Variants in GPR12 observed in about 807,000 individuals in gnomAD.
GPR12 encodes G-protein coupled receptor 12.
Under a neutral mutation model 18.9 loss-of-function variants are expected in GPR12, and 7 were observed. That is an observed-to-expected ratio of 0.37 (90% CI 0.21 to 0.70). The LOEUF is 0.70. Among genes scored for constraint, GPR12 ranks in the 30% least tolerant of loss-of-function variants. The pLI is 0.54. For synonymous variants in GPR12, 201 were observed against 188.6 expected (o/e 1.07, Z -0.54); for missense variants, 327 against 427.7 (o/e 0.76, Z 2.08).
chr13:26,760,636 C>T lies in GPR12; in HGVS notation c.-73G>A, dbSNP rs1193920248. The T allele has an allele frequency of 2.0e-5, 3 of 150,994 alleles. No homozygotes were observed. Among genetic ancestry groups the T allele is most frequent in the Non-Finnish European group, 3.0e-5 (2 of 67,668 alleles). 9.4% of individuals were successfully genotyped at this position (150,994 alleles called of 1,614,324 possible). On this transcript the variant is annotated 5_prime_UTR_variant, in exon 1 of 2. Coordinates refer to ENST00000405846, the MANE Select transcript of GPR12 (RefSeq NM_005288.4). ...GTGCTTCCGAAGCGCGTGGGCTACTCGTGTCGCATGTCGGCGCAGTTGCCC... is the reference window on the plus strand; with the variant it reads ...GTGCTTCCGAAGCGCGTGGGCTACTTGTGTCGCATGTCGGCGCAGTTGCCC...
At position 26,755,244 on chromosome 13, in the gene GPR12, G is replaced by A. The variant is rs1483084968; in HGVS notation, c.*3579C>T. On this transcript the variant is annotated 3_prime_UTR_variant, in exon 2 of 2. Coordinates refer to ENST00000405846, the MANE Select transcript of GPR12 (RefSeq NM_005288.4). ...GCAGTCTTTTCCTTTATTATACCAG[G>A]CATACAATCAATATAGAAACTTAAA... The A allele has an allele frequency of 6.6e-6, 1 of 152,018 alleles. No homozygotes were observed. The highest frequency in any genetic ancestry group is 1.5e-5 in the Non-Finnish European group (1 of 68,016). The allele number at this position is 152,018 out of a possible 1,614,324, so 9.4% of individuals were successfully genotyped here.
In GPR12 at chr13:26,755,868, T is replaced by C. The variant is rs1884364523; in HGVS notation, c.*2955A>G. 2 of 152,196 alleles carry C rather than the reference T, an allele frequency of 1.3e-5. No homozygotes were observed. Among genetic ancestry groups the C allele is most frequent in the Admixed American group, 6.5e-5 (1 of 15,288 alleles). 9.4% of individuals were successfully genotyped at this position (152,196 alleles called of 1,614,324 possible). The stretch of plus-strand genomic sequence containing the variant: ...TTATGTGGAGTAAAAGATTATCTGC[T>C]ACCTCAGGACTGTTGGAAATAAGAC... On this transcript the variant is annotated 3_prime_UTR_variant, in exon 2 of 2. Transcript: ENST00000405846.
At position 26,758,110 on chromosome 13, in the gene GPR12, G is replaced by C. The variant is rs1294485806; in HGVS notation, c.*713C>G. ...ACCCGTTGGAATCTAGATTGACATG[G>C]CAACATTTGAAACAAGTGGTCTAGC... On this transcript the variant is annotated 3_prime_UTR_variant, in exon 2 of 2. Transcript: ENST00000405846. 1 of 152,136 alleles carries C rather than the reference G, an allele frequency of 6.6e-6. No individual in the cohort carries two copies. Among genetic ancestry groups the C allele is most frequent in the African/African-American group, 2.4e-5 (1 of 41,416 alleles). The allele number at this position is 152,136 out of a possible 1,614,324, so 9.4% of individuals were successfully genotyped here.
At position 26,755,414 on chromosome 13, in the gene GPR12, T is replaced by C. The variant is rs535050812; in HGVS notation, c.*3409A>G. The C allele has an allele frequency of 6.6e-6, 1 of 152,134 alleles. No individual in the cohort carries two copies. The highest frequency in any genetic ancestry group is 6.5e-5 in the Admixed American group (1 of 15,268). 9.4% of individuals were successfully genotyped at this position (152,134 alleles called of 1,614,324 possible). A position where few individuals can be genotyped will look rare whatever the true frequency, so the allele number is the denominator to read the frequency against. The stretch of plus-strand genomic sequence containing the variant: ...TTAATAATGGATTAAGCATTTTTTT[T>C]AAAAAGCCGAAGAAGTCTCCATGAT... On this transcript the variant is annotated 3_prime_UTR_variant, in exon 2 of 2. Coordinates refer to ENST00000405846, the MANE Select transcript of GPR12 (RefSeq NM_005288.4).
In GPR12 at chr13:26,756,831, G is replaced by A. The variant is rs1884384430; in HGVS notation, c.*1992C>T. On this transcript the variant is annotated 3_prime_UTR_variant, in exon 2 of 2. Transcript: ENST00000405846. ...TTCTGACTATTGGAGATATGCAAAT[G>A]GAGCCACTATTTTTATAAAATCATC... The A allele has an allele frequency of 6.6e-6, 1 of 152,088 alleles. No individual in the cohort carries two copies. Among genetic ancestry groups the A allele is most frequent in the Non-Finnish European group, 1.5e-5 (1 of 68,014 alleles). The allele number at this position is 152,088 out of a possible 1,614,324, so 9.4% of individuals were successfully genotyped here.
rs1410626956 is a variant in GPR12, at chr13:26,759,746, C to T, written c.82G>A (p.Ala28Thr). 1 of 1,613,034 alleles carries T rather than the reference C, an allele frequency of 6.2e-7. No individual in the cohort carries two copies. The highest frequency in any genetic ancestry group is 8.5e-7 in the Non-Finnish European group (1 of 1,179,126). ...ACGGCAGGAACCCGGGAGGAGACAGCAGCCGAGATGTTCTCCGCAGCAGCG... is the reference window on the plus strand; with the variant it reads ...ACGGCAGGAACCCGGGAGGAGACAGTAGCCGAGATGTTCTCCGCAGCAGCG... ...DAAAAENISAAVSSRVPAVEP... is the reference protein window; with the variant it reads ...DAAAAENISATVSSRVPAVEP... The change falls in exon 2 of 2, where the codon GCT becomes ACT. Residue 28 changes from alanine (A) to threonine (T), a missense_variant. By Grantham distance (58) the Ala-to-Thr change is moderately conservative (BLOSUM62 0). Transcript: ENST00000405846.
At chr13:26,760,552 G>A (rs1404888789) in intron 1 of GPR12, 27 bp downstream of exon 1, 1 of 151,728 alleles carries the variant, frequency 6.6e-6, no homozygotes, top group East Asian at 2.0e-4. Flanking sequence ...CGGCCCGCGG[G>A]GGCGGGGGGG....
chr13:26,760,183 C>G (rs1884456107), intron 1 of GPR12: 1 of 201,870 alleles, frequency 5.0e-6, no homozygotes, highest in Non-Finnish European at 1.1e-5. Context: ...ATGCTGAAAA[C>G]GAACAACTGT....
rs930168957 is a variant in GPR12, at chr13:26,756,748, G to T, written c.*2075C>A. 4 of 152,142 alleles carry T rather than the reference G, an allele frequency of 2.6e-5. No individual in the cohort carries two copies. The highest frequency in any genetic ancestry group is 9.7e-5 in the African/African-American group (4 of 41,424). The allele number at this position is 152,142 out of a possible 1,614,324, so 9.4% of individuals were successfully genotyped here. A position where few individuals can be genotyped will look rare whatever the true frequency, so the allele number is the denominator to read the frequency against. ...TAGTTTTGTGATTATAGTAAAACAC[G>T]CAGCATGGGGCCTGGCACACATGTG... is the stretch of plus-strand genomic sequence containing the variant. On this transcript the variant is annotated 3_prime_UTR_variant, in exon 2 of 2. Coordinates refer to ENST00000405846, the MANE Select transcript of GPR12 (RefSeq NM_005288.4).
rs1324360317 is a variant in GPR12 at position 26,756,245 on chromosome 13, T to C, written c.*2578A>G. On this transcript the variant is annotated 3_prime_UTR_variant, in exon 2 of 2. Transcript: ENST00000405846. ...CTCTGTCACCCAGGCTGGAGTGCAG[T>C]GGTGCGATCTTTGTTCACTGCTACC... is the stretch of plus-strand genomic sequence containing the variant. The C allele has an allele frequency of 6.6e-6, 1 of 152,136 alleles. No homozygotes were observed. Among genetic ancestry groups the C allele is most frequent in the East Asian group, 1.9e-4 (1 of 5,198 alleles). The allele number at this position is 152,136 out of a possible 1,614,324, so 9.4% of individuals were successfully genotyped here.
chr13:26,759,136 A>C lies in GPR12; in HGVS notation c.692T>G (p.Ile231Arg). The C allele has an allele frequency of 6.2e-7, 1 of 1,613,760 alleles. No homozygotes were observed. The highest frequency in any genetic ancestry group is 1.1e-5 in the South Asian group (1 of 91,062). Residue 231 changes from isoleucine (I) to arginine (R), a missense_variant, in exon 2 of 2, where the codon ATA becomes AGA. Physicochemically the swap from Ile to Arg is moderately conservative, Grantham distance 97. Transcript: ENST00000405846. ...CKIVMRHAHQIALQHHFLATS... is the reference protein window; with the variant it reads ...CKIVMRHAHQRALQHHFLATS... ...GGCCAGGAAGTGGTGCTGCAGGGCT[A>C]TCTGATGGGCGTGCCTCATCACAAT...
chr13:26,758,552 C>CAA lies in GPR12; in HGVS notation c.*269_*270dup, dbSNP rs1188654914. The CAA allele has an allele frequency of 2.5e-6, 1 of 401,856 alleles. No homozygotes were observed. Among genetic ancestry groups the CAA allele is most frequent in the African/African-American group, 2.0e-5 (1 of 50,784 alleles). 24.9% of individuals were successfully genotyped at this position (401,856 alleles called of 1,614,324 possible). On this transcript the variant is annotated 3_prime_UTR_variant, in exon 2 of 2. Transcript: ENST00000405846. The stretch of plus-strand genomic sequence containing the variant: ...TCCTACCCCCAGTCAGCCCTCCAAA[C>CAA]AAAGTATAAAAGGAAACCCTTGCCC...
Position 26,759,470 on chromosome 13 carries a change from T to C in GPR12, c.358A>G (p.Ile120Val), listed in dbSNP as rs934276305. Residue 120 changes from isoleucine to valine, a missense_variant, in exon 2 of 2, where the codon ATT (isoleucine) becomes GTT (valine). Coordinates refer to ENST00000405846, the MANE Select transcript of GPR12 (RefSeq NM_005288.4). Reference sequence around the variant, plus strand: ...ACAGAGGCAGAGAAAGAGGCGACAATGAGGCCGATCGTGACCAGCTTGGTG... The same window carrying C: ...ACAGAGGCAGAGAAAGAGGCGACAACGAGGCCGATCGTGACCAGCTTGGTG... Reference protein sequence around the residue: ...EATKLVTIGLIVASFSASVCS... With the variant: ...EATKLVTIGLVVASFSASVCS... The C allele has an allele frequency of 6.2e-7, 1 of 1,614,056 alleles. No individual in the cohort carries two copies. The highest frequency in any genetic ancestry group is 8.5e-7 in the Non-Finnish European group (1 of 1,180,006).
rs1051346580 is a variant in GPR12, at chr13:26,755,875, G to C, written c.*2948C>G. On this transcript the variant is annotated 3_prime_UTR_variant, in exon 2 of 2. Transcript: ENST00000405846. ...GAGTAAAAGATTATCTGCTACCTCAGGACTGTTGGAAATAAGACAGTTTTC... is the reference window on the plus strand; with the variant it reads ...GAGTAAAAGATTATCTGCTACCTCACGACTGTTGGAAATAAGACAGTTTTC... 2 of 152,134 alleles carry C rather than the reference G, an allele frequency of 1.3e-5. No homozygotes were observed. The highest frequency in any genetic ancestry group is 2.4e-5 in the African/African-American group (1 of 41,422). The allele number at this position is 152,134 out of a possible 1,614,324, so 9.4% of individuals were successfully genotyped here. A position where few individuals can be genotyped will look rare whatever the true frequency, so the allele number is the denominator to read the frequency against.
rs1229076817 is a variant in GPR12 at position 26,756,433 on chromosome 13, G to T, written c.*2390C>A. 2.0e-5 allele frequency: 3 copies of T among 152,266 alleles called. No individual in the cohort carries two copies. Among genetic ancestry groups the T allele is most frequent in the African/African-American group, 7.2e-5 (3 of 41,452 alleles). 9.4% of individuals were successfully genotyped at this position (152,266 alleles called of 1,614,324 possible). A position where few individuals can be genotyped will look rare whatever the true frequency, so the allele number is the denominator to read the frequency against. Reference sequence around the variant, plus strand: ...ACTCCTGACCTCAGGTGATCCACCTGCCTTGGCCCCCCAAAGTGCTGGGAT... The same window carrying T: ...ACTCCTGACCTCAGGTGATCCACCTTCCTTGGCCCCCCAAAGTGCTGGGAT... On this transcript the variant is annotated 3_prime_UTR_variant, in exon 2 of 2. Transcript: ENST00000405846.
chr13:26,758,339 G>A lies in GPR12; in HGVS notation c.*484C>T, dbSNP rs1330311529. 1.3e-5 allele frequency: 2 copies of A among 154,528 alleles called. No homozygotes were observed. Among genetic ancestry groups the A allele is most frequent in the African/African-American group, 4.8e-5 (2 of 41,350 alleles). The allele number at this position is 154,528 out of a possible 1,614,324, so 9.6% of individuals were successfully genotyped here. A position where few individuals can be genotyped will look rare whatever the true frequency, so the allele number is the denominator to read the frequency against. ...GTAAACTATTTGTATTGGATTGAAA[G>A]GGGTCATATTCTGTTACATACATGC... On this transcript the variant is annotated 3_prime_UTR_variant, in exon 2 of 2. Transcript: ENST00000405846.
Position 26,758,836 on chromosome 13 carries a change from GGCGAGC to G in GPR12, c.986_991del (p.Arg329_Ser330del). 1 of 1,608,392 alleles carries G rather than the reference GGCGAGC, an allele frequency of 6.2e-7. No homozygotes were observed. The highest frequency in any genetic ancestry group is 8.5e-7 in the Non-Finnish European group (1 of 1,176,160). ...GGTGCAAGGGTGCTACACATCACTG[GGCGAGC>G]GCGCTCTCTGGGCGAGACTGGACGG... On this transcript the variant is annotated inframe_deletion, in exon 2 of 2. Transcript: ENST00000405846.
Position 26,758,906 on chromosome 13 carries a change from T to C in GPR12, c.922A>G (p.Ile308Val). ...PVIYAFRNQE[I>V]QKALCLICCG... ...CAAATGAGACAGAGCGCTTTCTGGATCTCTTGGTTTCTGAAAGCATATATG... is the reference window on the plus strand; with the variant it reads ...CAAATGAGACAGAGCGCTTTCTGGACCTCTTGGTTTCTGAAAGCATATATG... Residue 308 changes from isoleucine to valine, a missense_variant, in exon 2 of 2, where the codon ATC (isoleucine) becomes GTC (valine). Physicochemically the swap from Ile to Val is conservative, Grantham distance 29. Transcript: ENST00000405846. 1 of 1,614,010 alleles carries C rather than the reference T, an allele frequency of 6.2e-7. No individual in the cohort carries two copies. Among genetic ancestry groups the C allele is most frequent in the Non-Finnish European group, 8.5e-7 (1 of 1,180,004 alleles).
In GPR12 at chr13:26,755,383, ATTAT is replaced by A. The variant is rs1161346312; in HGVS notation, c.*3436_*3439del. ...ATATTACTATAAAATAAAGTCAATC[ATTAT>A]TTTAATAATGGATTAAGCATTTTTT... On this transcript the variant is annotated 3_prime_UTR_variant, in exon 2 of 2. Coordinates refer to ENST00000405846, the MANE Select transcript of GPR12 (RefSeq NM_005288.4). 1.3e-5 allele frequency: 2 copies of A among 151,636 alleles called. No individual in the cohort carries two copies. Among genetic ancestry groups the A allele is most frequent in the East Asian group, 3.8e-4 (2 of 5,200 alleles). 9.4% of individuals were successfully genotyped at this position (151,636 alleles called of 1,614,324 possible).
Sources: gnomAD v4.1 joint callset for allele counts on GRCh38, gnomAD v4.1.1 for gene constraint, MANE v1.5 for transcripts, NCBI Gene and HGNC (gene_info 2026-07-23, HGNC 2026-07-21) for gene names.